The following SOX5 variants were observed in gnomAD, a reference collection of about 807,000 sequenced individuals.
SOX5 encodes the protein transcription factor SOX-5.
Under a neutral mutation model 92.0 loss-of-function variants are expected in SOX5, and 9 were observed. The ratio of observed to expected loss-of-function variants is 0.10; its 90% CI spans 0.06 to 0.17. The LOEUF is 0.17. Ranked by LOEUF, SOX5 falls within the 10% of genes least tolerant of loss-of-function variation. The pLI, the probability that SOX5 is intolerant of heterozygous loss-of-function variation, is 1.00. For missense variants in SOX5, 642 were observed against 944.5 expected (o/e 0.68, Z 4.20); for synonymous variants, 344 against 336.3 (o/e 1.02, Z -0.25).
At chr12:23,796,213 T>C (rs1215712154) in intron 3 of SOX5, among the ~76,000 whole-genome samples, 1 of 152,154 alleles carries the variant, frequency 6.6e-6, no homozygotes, top group Non-Finnish European at 1.5e-5. Flanking sequence ...GCCTGGCAGC[T>C]GAATTCTTTC....
intron 4 of SOX5, among the ~76,000 whole-genome samples, chr12:24,065,112 A>C (rs140120756): frequency 5.1e-4 from 77 of 152,310 alleles, no homozygotes; most frequent in Non-Finnish European, 8.4e-4. Flanking sequence ...AGGGCAGTTT[A>C]GGGATGTGCG....
chr12:24,293,780 T>C (rs754737658), intron 2 of SOX5, among the ~76,000 whole-genome samples: 1 of 152,224 alleles, frequency 6.6e-6, no homozygotes, highest in African/African-American at 2.4e-5. Flanking sequence ...GGCATACTGA[T>C]ACCAGTTTCT....
intron 4 of SOX5, among the ~76,000 whole-genome samples, chr12:24,142,883 G>A (rs1950721486): frequency 6.6e-6 from 1 of 150,850 alleles, no homozygotes; most frequent in Admixed American, 6.7e-5. Context: ...TAGAGAACTT[G>A]GGAGATGCGT....
intron 6 of SOX5, among the ~76,000 whole-genome samples, chr12:23,719,951 GA>G (rs1029673419): frequency 6.6e-6 from 1 of 152,132 alleles, no homozygotes; most frequent in African/African-American, 2.4e-5. Context: ...GTGTAAAAGA[GA>G]GGAACAAAAA....
chr12:24,095,154 G>GAGAGAGAC (rs1373469652), intron 4 of SOX5, among the ~76,000 whole-genome samples: 15 of 149,672 alleles, frequency 1.0e-4, no homozygotes, highest in Middle Eastern at 3.4e-3. Context: ...GAGAGAGAGA[G>GAGAGAGAC]AGACAGAGAC....
chr12:23,882,847 T>C (rs1455206510), intron 2 of SOX5, among the ~76,000 whole-genome samples: 1 of 152,142 alleles, frequency 6.6e-6, no homozygotes, highest in African/African-American at 2.4e-5. Flanking sequence ...TTAAACTACC[T>C]TGAAATACTT....
chr12:24,546,390 G>A (rs536124106), intron 1 of SOX5, among the ~76,000 whole-genome samples: 1 of 152,136 alleles, frequency 6.6e-6, no homozygotes, highest in South Asian at 2.1e-4. Context: ...TGGCCTACAC[G>A]ACAGAATCTA....
chr12:24,095,120 C>CAGAGAGAGAGAGAGAG (rs1442826677), intron 4 of SOX5, among the ~76,000 whole-genome samples: 48 of 102,130 alleles, frequency 4.7e-4, no homozygotes, highest in Admixed American at 1.0e-3. Context: ...CACACACACA[C>CAGAGAGAGAGAGAGAG]ACACACACAG....
At chr12:24,241,391 T>C (rs1965529524) in intron 3 of SOX5, among the ~76,000 whole-genome samples, 1 of 152,200 alleles carries the variant, frequency 6.6e-6, no homozygotes, top group Non-Finnish European at 1.5e-5. Context: ...TAGAACAGAA[T>C]ACTTTCTCTA....
chr12:23,991,669 T>C (rs1161949557), intron 4 of SOX5, among the ~76,000 whole-genome samples: 2 of 151,902 alleles, frequency 1.3e-5, no homozygotes, highest in African/African-American at 4.8e-5. Context: ...CTACTTCAAT[T>C]TCCTTCATTT....
intron 10 of SOX5, among the ~76,000 whole-genome samples, chr12:23,568,539 C>G (rs543149810): frequency 1.3e-5 from 2 of 152,264 alleles, no homozygotes; most frequent in South Asian, 4.1e-4. Flanking sequence ...CTAAGCTTCT[C>G]TACTTGAATG....
intron 1 of SOX5, among the ~76,000 whole-genome samples, chr12:23,925,329 T>C (rs1237389214): frequency 6.6e-6 from 1 of 152,134 alleles, no homozygotes; most frequent in Non-Finnish European, 1.5e-5. Context: ...GGGCAAGTAG[T>C]ACATCAGTGT....
At chr12:24,458,288 G>A (rs1461508495) in intron 1 of SOX5, among the ~76,000 whole-genome samples, 1 of 152,002 alleles carries the variant, frequency 6.6e-6, no homozygotes, top group African/African-American at 2.4e-5. Context: ...ATGATGAATT[G>A]TTTTTTTACT....
At chr12:23,940,907 G>A (rs1242505350) in intron 1 of SOX5, among the ~76,000 whole-genome samples, 8 of 150,880 alleles carry the variant, frequency 5.3e-5, no homozygotes, top group Non-Finnish European at 7.4e-5. Context: ...CAACGTCTTC[G>A]GTTCAAATTT....
chr12:24,244,309 G>A (rs1938159004), intron 3 of SOX5, among the ~76,000 whole-genome samples: 1 of 152,186 alleles, frequency 6.6e-6, no homozygotes, highest in Admixed American at 6.5e-5. Flanking sequence ...GAAGCAATGG[G>A]GTCTGGAGAT....
intron 6 of SOX5, among the ~76,000 whole-genome samples, chr12:23,701,763 T>C (rs958628023): frequency 1.3e-5 from 2 of 152,064 alleles, no homozygotes; most frequent in African/African-American, 2.4e-5. Context: ...TCCTGGTAGT[T>C]TGTGCCAGAT....
chr12:24,388,479 G>T (rs1958650923), intron 1 of SOX5, among the ~76,000 whole-genome samples: 1 of 152,102 alleles, frequency 6.6e-6, no homozygotes, highest in South Asian at 2.1e-4. Flanking sequence ...CCATTCAGAT[G>T]GGCCTCTCCA....
chr12:24,004,249 C>T (rs1178936143), intron 4 of SOX5, among the ~76,000 whole-genome samples: 9 of 149,896 alleles, frequency 6.0e-5, no homozygotes, highest in Non-Finnish European at 1.2e-4. Context: ...GCATGACACA[C>T]ACGCACATAA....
chr12:24,138,787 T>A (rs1026227946), intron 4 of SOX5, among the ~76,000 whole-genome samples: 16 of 152,290 alleles, frequency 1.1e-4, no homozygotes, highest in Non-Finnish European at 4.4e-5. Context: ...ATTTCTCTCA[T>A]CAATTTCAAC....
Sources: gnomAD v4.1 joint callset for allele counts (sites outside exome capture counted in the v4.1 genomes callset) on GRCh38, gnomAD v4.1.1 for gene constraint, MANE v1.5 for transcripts, NCBI Gene and HGNC (gene_info 2026-07-23, HGNC 2026-07-21) for gene names.